SLC12A2: variants seen among roughly 807,000 people sequenced by gnomAD.
SLC12A2 encodes the protein solute carrier family 12 member 2, also known as Na-K-2Cl cotransporter 1.
SLC12A2 carries 67 observed loss-of-function variants against 136.3 expected under a neutral mutation model. The observed-to-expected ratio is 0.49, with a 90% CI of 0.40 to 0.60. SLC12A2 has a LOEUF of 0.60. Ranked by LOEUF, SLC12A2 falls within the 20% of genes least tolerant of loss-of-function variation. SLC12A2 has a pLI of 0.00. For synonymous variants in SLC12A2, 619 were observed against 562.9 expected, an observed-to-expected ratio of 1.10 and a Z score of -1.41; for missense variants, 1,322 against 1,534.7, an observed-to-expected ratio of 0.86 and a Z score of 2.32.
At chr5:128,124,701 G>A (rs1278181968) in intron 4 of SLC12A2, among the ~76,000 whole-genome samples, 3 of 150,498 alleles carry the variant, frequency 2.0e-5, no homozygotes, top group African/African-American at 7.3e-5. Context: ...ATATAGCCAC[G>A]ATTGATTAAA....
intron 26 of SLC12A2, among the ~76,000 whole-genome samples, chr5:128,186,250 C>T (rs1004374007): frequency 3.3e-5 from 5 of 152,092 alleles, no homozygotes; most frequent in African/African-American, 1.2e-4. Flanking sequence ...GTAAGTACTC[C>T]TGTGATGTTT....
intron 15 of SLC12A2, 28 bp downstream of exon 15, chr5:128,152,833 G>T (rs192709020): frequency 7.4e-7 from 1 of 1,342,934 alleles, no homozygotes; most frequent in East Asian, 2.3e-5. Flanking sequence ...AAACATGGAA[G>T]CATTTTCTCT....
At chr5:128,102,828 C>T (rs1231712992) in intron 1 of SLC12A2, among the ~76,000 whole-genome samples, 3 of 151,216 alleles carry the variant, frequency 2.0e-5, no homozygotes, top group South Asian at 2.1e-4. Flanking sequence ...ACCTTTGTTG[C>T]CCAAGCTGGT....
Position 128,147,724 on chromosome 5 carries a change from T to C in SLC12A2, c.1876T>C (p.Phe626Leu), listed in dbSNP as rs748463798. Residue 626 changes from phenylalanine (F) to leucine (L), a missense_variant, in exon 11 of 27, where the codon TTT becomes CTT. Physicochemically the swap from Phe to Leu is conservative, Grantham distance 22 (BLOSUM62 0). Coordinates refer to ENST00000262461, the MANE Select transcript of SLC12A2 (RefSeq NM_001046.3). The stretch of plus-strand genomic sequence containing the variant: ...ATCCCTAGTGAGTGCTCCCAAAATA[T>C]TTCAGGTAAGTGTTTTTATATTACA... The part of the protein sequence containing the change: ...LASLVSAPKI[F>L]QALCKDNIYP... 6.3e-7 allele frequency: 1 copy of C among 1,589,850 alleles called. No homozygotes were observed. The highest frequency in any genetic ancestry group is 1.1e-5 in the South Asian group (1 of 90,200).
Position 128,182,864 on chromosome 5 carries a change from T to G in SLC12A2, c.3222T>G (p.Thr1074=), listed in dbSNP as rs765154991. ...TTTATTTTTGTTGTAGGATGGCTAC[T>G]TTGCTTAGCAAGTTCCGGATAGACT... ...RIDHDRRAMA[T]LLSKFRIDFS... is the part of the protein sequence containing the mutation. Residue 1074 remains threonine (T), a synonymous_variant, in exon 24 of 27, where the codon ACT becomes ACG. Transcript: ENST00000262461. 6.2e-7 allele frequency: 1 copy of G among 1,610,212 alleles called. No individual in the cohort carries two copies. Among genetic ancestry groups the G allele is most frequent in the Admixed American group, 1.7e-5 (1 of 59,850 alleles).
At chr5:128,103,137 A>C (rs1760805696) in intron 1 of SLC12A2, among the ~76,000 whole-genome samples, 1 of 152,122 alleles carries the variant, frequency 6.6e-6, no homozygotes, top group Non-Finnish European at 1.5e-5. Context: ...AAAGGTGTGC[A>C]TTTTTTCAAC....
Position 128,084,430 on chromosome 5 carries a change from C to T in SLC12A2, c.476C>T (p.Ala159Val), listed in dbSNP as rs774885519. Residue 159 changes from alanine to valine, a missense_variant, in exon 1 of 27, where the codon GCT becomes GTT. Coordinates refer to ENST00000262461, the MANE Select transcript of SLC12A2 (RefSeq NM_001046.3). The surrounding 1 kb of genome is among the most constrained non-coding windows in gnomAD (Gnocchi z 5.6). Reference sequence around the variant, plus strand: ...TCGGCTGAAGACAGCCTGTCAGATGCTGCCGGGGTCGGAGTCGACGGGCCC... The same window carrying T: ...TCGGCTGAAGACAGCCTGTCAGATGTTGCCGGGGTCGGAGTCGACGGGCCC... The part of the protein sequence containing the change: ...SSSAEDSLSD[A>V]AGVGVDGPNV... 12 of 1,612,278 alleles carry T rather than the reference C, an allele frequency of 7.4e-6. No individual in the cohort carries two copies. The highest frequency in any genetic ancestry group is 5.3e-5 in the African/African-American group (4 of 74,876).
At chr5:128,126,967 T>TATATATATATATATATATATATAA (rs1491322749) in intron 4 of SLC12A2, among the ~76,000 whole-genome samples, 3 of 29,650 alleles carry the variant, frequency 1.0e-4, no homozygotes, top group African/African-American at 1.9e-4. Flanking sequence ...TATATATATA[T>TATATATATATATATATATATATAA]TTTTTTTTTT....
Position 128,088,237 on chromosome 5 carries a change from C to T in SLC12A2, c.756+3527C>T, listed in dbSNP as rs78216809. On this transcript the variant is annotated intron_variant, in intron 1 of 26. Coordinates refer to ENST00000262461, the MANE Select transcript of SLC12A2 (RefSeq NM_001046.3). ...AGGAAATTAAGGAAGAGCTGCCATA[C>T]TGTCAAATAGCCTGGAGAGCAGTGT... 9.1e-3 allele frequency among the ~76,000 whole-genome samples: 1,385 copies of T among 152,108 alleles called. 20 individuals are homozygous for T. Among genetic ancestry groups the T allele is most frequent in the African/African-American group, 0.031 (1,294 of 41,474 alleles).
chr5:128,150,250 A>G (rs895802042), intron 13 of SLC12A2, 152 bp downstream of exon 13: 4 of 603,992 alleles, frequency 6.6e-6, no homozygotes, highest in Non-Finnish European at 1.2e-5. Context: ...GCTTTCAAAG[A>G]TCTCTTTATC....
In SLC12A2 at chr5:128,167,833, A is replaced by T; in HGVS notation, c.2689A>T (p.Met897Leu). The change falls in exon 18 of 27, where the codon ATG (methionine) becomes TTG (leucine). Residue 897 changes from methionine (M) to leucine (L), a missense_variant. Met to Leu is a conservative substitution (Grantham distance 15). Coordinates refer to ENST00000262461, the MANE Select transcript of SLC12A2 (RefSeq NM_001046.3). Reference sequence around the variant, plus strand: ...TAAGAAAGATTGGTTGCAAGCAGATATGAGGGATGTGGATATGTATATAAA... The same window carrying T: ...TAAGAAAGATTGGTTGCAAGCAGATTTGAGGGATGTGGATATGTATATAAA... ...GFKKDWLQAD[M>L]RDVDMYINLF... 1 of 1,606,082 alleles carries T rather than the reference A, an allele frequency of 6.2e-7. No homozygotes were observed. The highest frequency in any genetic ancestry group is 8.5e-7 in the Non-Finnish European group (1 of 1,175,334).
At position 128,084,709 on chromosome 5, in the gene SLC12A2, A is replaced by G; in HGVS notation, c.755A>G (p.Lys252Arg). 1.9e-6 allele frequency: 3 copies of G among 1,584,512 alleles called. No homozygotes were observed. The highest frequency in any genetic ancestry group is 2.3e-5 in the South Asian group (2 of 87,474). ...GCGGAGCTCCACGACGAGCTGGAAAAGGTGAGCTCGCCCAGCCCTCCCTTC... is the reference window on the plus strand; with the variant it reads ...GCGGAGCTCCACGACGAGCTGGAAAGGGTGAGCTCGCCCAGCCCTCCCTTC... ...SLAELHDELE[K>R]EPFEDGFANG... Residue 252 changes from lysine (K) to arginine (R), a missense_variant and splice_region_variant, in exon 1 of 27, where the codon AAG becomes AGG. By Grantham distance (26) the Lys-to-Arg change is conservative (BLOSUM62 2). Around this residue, in one of 8 missense-constraint regions of SLC12A2, gnomAD observed 59 missense variants for 51.5 expected, o/e 1.15. Coordinates refer to ENST00000262461, the MANE Select transcript of SLC12A2 (RefSeq NM_001046.3). This position sits in a 1 kb window ranked among gnomAD's most constrained non-coding sequence, Gnocchi z 5.6.
intron 1 of SLC12A2, among the ~76,000 whole-genome samples, chr5:128,096,430 T>G (rs1234220836): frequency 2.0e-5 from 3 of 152,112 alleles, no homozygotes; most frequent in Non-Finnish European, 4.4e-5. Flanking sequence ...CGGGCATAAC[T>G]TATCAGACTT....
At chr5:128,133,654 A>G (rs1762097542) in intron 5 of SLC12A2, among the ~76,000 whole-genome samples, 1 of 151,994 alleles carries the variant, frequency 6.6e-6, no homozygotes, top group African/African-American at 2.4e-5. Flanking sequence ...CTTTAATTTT[A>G]TCCTAGATGG....
chr5:128,128,140 T>C (rs183716996), intron 4 of SLC12A2, among the ~76,000 whole-genome samples: 28 of 152,320 alleles, frequency 1.8e-4, no homozygotes, highest in African/African-American at 6.7e-4. Flanking sequence ...GCATCTAATA[T>C]AGTTCTGTTG....
At chr5:128,117,671 A>C (rs576980964) in intron 4 of SLC12A2, among the ~76,000 whole-genome samples, 15 of 152,314 alleles carry the variant, frequency 9.8e-5, no homozygotes, top group Non-Finnish European at 1.3e-4. Context: ...TAGGCAAAGA[A>C]TTCATGACCA....
intron 20 of SLC12A2, among the ~76,000 whole-genome samples, chr5:128,176,228 C>T (rs941861901): frequency 1.3e-5 from 2 of 151,934 alleles, no homozygotes; most frequent in African/African-American, 4.8e-5. Context: ...GTATAACAAG[C>T]TTAAGAGGTA....
At chr5:128,093,227 T>TAA (rs1179013876) in intron 1 of SLC12A2, among the ~76,000 whole-genome samples, 1 of 152,184 alleles carries the variant, frequency 6.6e-6, no homozygotes, top group Non-Finnish European at 1.5e-5. Flanking sequence ...CTTGGCTTCT[T>TAA]AGTTTTCCTT....
intron 1 of SLC12A2, among the ~76,000 whole-genome samples, chr5:128,104,566 AG>A (rs1760859403): frequency 6.6e-6 from 1 of 152,054 alleles, no homozygotes; most frequent in Non-Finnish European, 1.5e-5. Flanking sequence ...CGGGAGGCAG[AG>A]GTTGCAGTGA....
Sources: gnomAD v4.1 joint callset for allele counts (sites outside exome capture counted in the v4.1 genomes callset) on GRCh38, gnomAD v4.1.1 for gene constraint, gnomAD v4.1.1 regional missense constraint, Gnocchi (gnomAD v3.1) non-coding constraint, MANE v1.5 for transcripts, NCBI Gene and HGNC (gene_info 2026-07-23, HGNC 2026-07-21) for gene names.